The following SHC3 variants were observed in gnomAD, a reference collection of about 807,000 sequenced individuals.
SHC3 encodes SHC-transforming protein 3.
SHC3 carries 15 observed loss-of-function variants against 60.4 expected under a neutral mutation model. The observed-to-expected ratio is 0.25, with a 90% CI of 0.17 to 0.38. The LOEUF (loss-of-function observed/expected upper bound fraction) is 0.38, where lower values mean the gene tolerates loss of function less well. Among genes scored for constraint, SHC3 ranks in the 10% least tolerant of loss-of-function variants. The probability of loss-of-function intolerance (pLI) is 1.00; values close to 1 mark genes in which losing one functional copy is unlikely to be tolerated. For missense variants in SHC3, 677 were observed against 786.1 expected (o/e 0.86, Z 1.66); for synonymous variants, 294 against 325.9 (o/e 0.90, Z 1.05).
chr9:89,058,718 CAGTGGTGTAGGACATG>C (rs1825001330), intron 6 of SHC3, among the ~76,000 whole-genome samples: 1 of 113,184 alleles, frequency 8.8e-6, no homozygotes, highest in African/African-American at 3.5e-5. Context: ...TGGAGGAGGA[CAGTGGTGTAGGACATG>C]GTGAAGGGCG....
At chr9:89,059,580 TGTG>T (rs1197771177) in intron 6 of SHC3, among the ~76,000 whole-genome samples, 2 of 119,768 alleles carry the variant, frequency 1.7e-5, no homozygotes, top group African/African-American at 6.5e-5. Context: ...TGGTGGAGGA[TGTG>T]GTGGAGGACA....
intron 11 of SHC3, among the ~76,000 whole-genome samples, chr9:89,029,813 A>C (rs190735887): frequency 6.6e-6 from 1 of 152,370 alleles, no homozygotes; most frequent in East Asian, 1.9e-4. Flanking sequence ...TTTTAAAAGC[A>C]TCTGTAAAAA....
At position 89,077,848 on chromosome 9, in the gene SHC3, T is replaced by C. The variant is rs1406890767; in HGVS notation, c.601A>G (p.Lys201Glu). Residue 201 changes from lysine (K) to glutamate (E), a missense_variant, in exon 3 of 12, where the codon AAG (lysine) becomes GAG (glutamate). By Grantham distance (56) the Lys-to-Glu change is moderately conservative (BLOSUM62 1). Transcript: ENST00000375835. ...AVPGAKGAFK[K>E]RKPPSKMLSS... ...AGCATTGAGGACAGTACCTTTCTCT[T>C]CTTGAAGGCTCCCTTCGCACCAGGC... 1 of 1,614,238 alleles carries C rather than the reference T, an allele frequency of 6.2e-7. No individual in the cohort carries two copies. The highest frequency in any genetic ancestry group is 1.7e-5 in the Admixed American group (1 of 60,032).
chr9:89,103,658 T>G (rs991261234), intron 2 of SHC3, among the ~76,000 whole-genome samples: 2 of 152,374 alleles, frequency 1.3e-5, no homozygotes, highest in Non-Finnish European at 2.9e-5. Context: ...TATCAGTATT[T>G]GTCAACATGT....
At chr9:89,036,609 C>T (rs1824582939) in intron 11 of SHC3, among the ~76,000 whole-genome samples, 2 of 152,132 alleles carry the variant, frequency 1.3e-5, no homozygotes, top group Non-Finnish European at 2.9e-5. Flanking sequence ...CGTGACGGGC[C>T]CCAGGCAGCC....
intron 2 of SHC3, 143 bp from the exon 3 acceptor site, chr9:89,078,046 G>A (rs1451430094): frequency 1.4e-5 from 13 of 898,944 alleles, no homozygotes; most frequent in African/African-American, 3.4e-5. Context: ...GGAGTCATCC[G>A]ATTCTTCTTC....
intron 2 of SHC3, among the ~76,000 whole-genome samples, chr9:89,103,432 T>A (rs1825811730): frequency 2.0e-5 from 3 of 152,024 alleles, no homozygotes; most frequent in Non-Finnish European, 4.4e-5. Flanking sequence ...TGGGTGAAGT[T>A]ATGAGAAGTA....
At chr9:89,070,163 T>C (rs1825247330) in intron 5 of SHC3, among the ~76,000 whole-genome samples, 1 of 152,194 alleles carries the variant, frequency 6.6e-6, no homozygotes, top group Non-Finnish European at 1.5e-5. Flanking sequence ...CACAAAAAAG[T>C]ATAAAAGATG....
At chr9:89,161,348 C>A (rs1027153900) in intron 1 of SHC3, among the ~76,000 whole-genome samples, 2 of 152,114 alleles carry the variant, frequency 1.3e-5, no homozygotes, top group Admixed American at 1.3e-4. Flanking sequence ...CTGCCATGTG[C>A]CTACTCCCCA....
chr9:89,042,492 G>A (rs1358036592), intron 9 of SHC3, among the ~76,000 whole-genome samples: 1 of 152,206 alleles, frequency 6.6e-6, no homozygotes, highest in Non-Finnish European at 1.5e-5. Context: ...AGCCTGGCAG[G>A]CAGAACATGC....
intron 1 of SHC3, among the ~76,000 whole-genome samples, chr9:89,121,367 C>T (rs552034396): frequency 9.9e-5 from 15 of 152,092 alleles, no homozygotes; most frequent in African/African-American, 1.9e-4. Flanking sequence ...CTCAGCTCAC[C>T]GCAACCTCTG....
chr9:89,080,734 A>AATATATATATAT (rs10591505), intron 2 of SHC3, among the ~76,000 whole-genome samples: 5 of 132,104 alleles, frequency 3.8e-5, no homozygotes, highest in African/African-American at 1.1e-4. Context: ...AACTAGGAAG[A>AATATATATATAT]ATATATATAT....
At chr9:89,082,726 C>T (rs1351597484) in intron 2 of SHC3, among the ~76,000 whole-genome samples, 1 of 152,276 alleles carries the variant, frequency 6.6e-6, no homozygotes, top group East Asian at 1.9e-4. Flanking sequence ...TTGGAGTCCT[C>T]CTATGCCCCA....
At chr9:89,094,701 T>C (rs1356650465) in intron 2 of SHC3, among the ~76,000 whole-genome samples, 1 of 152,106 alleles carries the variant, frequency 6.6e-6, no homozygotes, top group Non-Finnish European at 1.5e-5. Flanking sequence ...GGGGTGAGAC[T>C]GTTTGCAACA....
intron 11 of SHC3, among the ~76,000 whole-genome samples, chr9:89,020,417 G>A (rs1826180281): frequency 6.6e-6 from 1 of 152,118 alleles, no homozygotes; most frequent in South Asian, 2.1e-4. Flanking sequence ...ACAACAGCAG[G>A]TCTGACTTGT....
At chr9:89,165,948 T>A (rs1826782669) in intron 1 of SHC3, among the ~76,000 whole-genome samples, 1 of 152,128 alleles carries the variant, frequency 6.6e-6, no homozygotes, top group Non-Finnish European at 1.5e-5. Context: ...TCCGATGGTT[T>A]CTCCACACAG....
intron 1 of SHC3, among the ~76,000 whole-genome samples, chr9:89,164,555 A>G (rs145713656): frequency 1.3e-5 from 2 of 152,138 alleles, no homozygotes; most frequent in Non-Finnish European, 2.9e-5. Flanking sequence ...TACACTCATA[A>G]TAAGGAATTT....
At chr9:89,101,603 T>TCA (rs1825783404) in intron 2 of SHC3, among the ~76,000 whole-genome samples, 1 of 151,164 alleles carries the variant, frequency 6.6e-6, no homozygotes, top group Non-Finnish European at 1.5e-5. Context: ...GTTGAGATTT[T>TCA]CATATATATA....
At chr9:89,061,548 A>G (rs1169852457) in intron 6 of SHC3, among the ~76,000 whole-genome samples, 1 of 152,246 alleles carries the variant, frequency 6.6e-6, no homozygotes, top group Admixed American at 6.5e-5. Flanking sequence ...AAGATGTCTT[A>G]GGAGCCGCTG....
Sources: allele counts gnomAD v4.1 joint callset (sites outside exome capture counted in the v4.1 genomes callset), GRCh38; gene constraint gnomAD v4.1.1; transcripts MANE v1.5; gene names NCBI Gene and HGNC (gene_info 2026-07-23, HGNC 2026-07-21).